C1QBP: variants seen among roughly 807,000 people sequenced by gnomAD.
C1QBP encodes the protein complement component 1 Q subcomponent-binding protein, mitochondrial.
In C1QBP, 24 loss-of-function variants were observed where a neutral mutation model predicts 29.4. The ratio of observed to expected loss-of-function variants is 0.82; its 90% confidence interval spans 0.59 to 1.15. C1QBP has a LOEUF of 1.15. Among genes scored for constraint, C1QBP ranks in the 50% most tolerant of loss-of-function variants. The pLI is 0.00. For missense variants in C1QBP, 337 were observed against 355.8 expected, an observed-to-expected ratio of 0.95 and a Z score of 0.43; for synonymous variants, 182 against 149.2, an observed-to-expected ratio of 1.22 and a Z score of -1.60.
Position 5,435,836 on chromosome 17 carries a change from T to C in C1QBP, c.384-870A>G, listed in dbSNP as rs1240145228. 2.2e-5 allele frequency among the ~76,000 whole-genome samples: 3 copies of C among 139,388 alleles called. No individual in the cohort carries two copies. The East Asian group carries it at 6.1e-4, about 28-fold the overall frequency. The allele number at this position is 139,388 out of a possible 152,430, so 91.4% of individuals were successfully genotyped here. A position where few individuals can be genotyped will look rare whatever the true frequency, so the allele number is the denominator to read the frequency against. On this transcript the variant is annotated intron_variant, in intron 2 of 5. Transcript: ENST00000225698. ...CGAGGTCAAGAGATCGAGACCATCC[T>C]GGCCAACACGATGAAACTCCATCTC...
chr17:5,432,840 G>A lies in C1QBP; in HGVS notation c.*175C>T. 1.1e-6 allele frequency: 1 copy of A among 935,190 alleles called. No individual in the cohort carries two copies. The highest frequency in any genetic ancestry group is 2.1e-5 in the South Asian group (1 of 47,792). 57.9% of individuals were successfully genotyped at this position (935,190 alleles called of 1,614,324 possible). A position where few individuals can be genotyped will look rare whatever the true frequency, so the allele number is the denominator to read the frequency against. ...ACAAAAATCTAGAAATAATAGATTT[G>A]TACAGAAAAAAATGATAATAAATGA... On this transcript the variant is annotated 3_prime_UTR_variant, in exon 6 of 6. Coordinates refer to ENST00000225698, the MANE Select transcript of C1QBP (RefSeq NM_001212.4).
At position 5,433,012 on chromosome 17, in the gene C1QBP, G is replaced by A; in HGVS notation, c.*3C>T. ...AAACTATGGCTTTCAGCATCTGTCTGCTCTACTGGCTCTTGACAAAACTCT... is the reference window on the plus strand; with the variant it reads ...AAACTATGGCTTTCAGCATCTGTCTACTCTACTGGCTCTTGACAAAACTCT... On this transcript the variant is annotated 3_prime_UTR_variant, in exon 6 of 6. Coordinates refer to ENST00000225698, the MANE Select transcript of C1QBP (RefSeq NM_001212.4). 2 of 1,610,034 alleles carry A rather than the reference G, an allele frequency of 1.2e-6. No individual in the cohort carries two copies. The highest frequency in any genetic ancestry group is 1.7e-6 in the Non-Finnish European group (2 of 1,178,692).
chr17:5,434,264 G>A (rs1222893855), intron 3 of C1QBP, among the ~76,000 whole-genome samples: 3 of 152,166 alleles, frequency 2.0e-5, no homozygotes, highest in Non-Finnish European at 4.4e-5. Context: ...GGGTGGCTGG[G>A]AAAGCAGCAC....
At position 5,436,064 on chromosome 17, in the gene C1QBP, A is replaced by C. The variant is rs1353697908; in HGVS notation, c.384-1098T>G. Among the ~76,000 whole-genome samples the C allele has an allele frequency of 1.4e-5, 2 of 142,582 alleles. 1 individual carries two copies. The highest frequency in any genetic ancestry group is 5.2e-5 in the African/African-American group (2 of 38,202). 93.5% of individuals were successfully genotyped at this position (142,582 alleles called of 152,430 possible). The stretch of plus-strand genomic sequence containing the variant: ...TGTCAGAAAAAAAAAAAAAAAAAAA[A>C]GAGTACATGAAGTGCCGCCCTCCAC... On this transcript the variant is annotated intron_variant, in intron 2 of 5. Coordinates refer to ENST00000225698, the MANE Select transcript of C1QBP (RefSeq NM_001212.4).
chr17:5,436,294 T>A lies in C1QBP; in HGVS notation c.384-1328A>T, dbSNP rs535224986. Among the ~76,000 whole-genome samples the A allele has an allele frequency of 4.4e-4, 67 of 151,356 alleles. 2 individuals are homozygous for A. The highest frequency in any genetic ancestry group is 1.5e-3 in the African/African-American group (62 of 40,732). On this transcript the variant is annotated intron_variant, in intron 2 of 5. Coordinates refer to ENST00000225698, the MANE Select transcript of C1QBP (RefSeq NM_001212.4). ...TGCGCAAATGGTGTTTAGGTGAGATTACAGAAGACACAATTGACCTGTGTA... is the reference window on the plus strand; with the variant it reads ...TGCGCAAATGGTGTTTAGGTGAGATAACAGAAGACACAATTGACCTGTGTA...
At chr17:5,435,028 G>A (rs1916233987) in intron 2 of C1QBP, 62 bp from the exon 3 acceptor site, 1 of 1,375,276 alleles carries the variant, frequency 7.3e-7, no homozygotes, top group Non-Finnish European at 1.0e-6. Flanking sequence ...AACCGAGCAG[G>A]TTAACACATA....
intron 3 of C1QBP, among the ~76,000 whole-genome samples, chr17:5,434,464 C>CTTTTTTTTTTTTTTTTTTTTTTTTTTT (rs576803401): frequency 1.0e-5 from 1 of 97,862 alleles, no homozygotes; most frequent in Non-Finnish European, 1.9e-5. Context: ...TTCTCTCTCT[C>CTTTTTTTTTTTTTTTTTTTTTTTTTTT]TTTTTTTTTT....
chr17:5,438,871 C>T lies in C1QBP; in HGVS notation c.203G>A (p.Gly68Asp). 1 of 1,545,654 alleles carries T rather than the reference C, an allele frequency of 6.5e-7. No individual in the cohort carries two copies. Among genetic ancestry groups the T allele is most frequent in the Non-Finnish European group, 8.7e-7 (1 of 1,145,578 alleles). Residue 68 changes from glycine (G) to aspartate (D), a missense_variant, in exon 1 of 6, where the codon GGC becomes GAC. Gly to Asp is a moderately conservative substitution (Grantham distance 94). Coordinates refer to ENST00000225698, the MANE Select transcript of C1QBP (RefSeq NM_001212.4). ...LLRPRGPCAC[G>D]CGCGSLHTDG... ...GGTGTGCAGCGAGCCGCAGCCACAG[C>T]CACAGGCGCAGGGTCCGCGAGGCCG...
Position 5,439,004 on chromosome 17 carries a change from G to A in C1QBP, c.70C>T (p.Pro24Ser). ...AGGAGCTGCCGGAAAGGCGAGGCGG[G>A]CGCGGCAGCGCGGAGGCCGGCGACG... ...SSVAGLRAAA[P>S]ASPFRQLLQP... is the part of the protein sequence containing the mutation. The change falls in exon 1 of 6, where the codon CCC (proline) becomes TCC (serine). Residue 24 changes from proline to serine, a missense_variant. Transcript: ENST00000225698. The A allele has an allele frequency of 6.7e-7, 1 of 1,483,712 alleles. No individual in the cohort carries two copies. Among genetic ancestry groups the A allele is most frequent in the Non-Finnish European group, 8.9e-7 (1 of 1,119,180 alleles). The allele number at this position is 1,483,712 out of a possible 1,614,324, so 91.9% of individuals were successfully genotyped here.
At chr17:5,437,515 G>A (rs1026446637) in intron 2 of C1QBP, among the ~76,000 whole-genome samples, 3 of 152,132 alleles carry the variant, frequency 2.0e-5, no homozygotes, top group Admixed American at 1.3e-4. Flanking sequence ...TTTTACTAGA[G>A]CCAGGGTTTT....
At chr17:5,438,667 C>G (rs1916338387) in intron 1 of C1QBP, 175 bp downstream of exon 1, 2 of 1,377,460 alleles carry the variant, frequency 1.5e-6, no homozygotes, top group African/African-American at 1.5e-5. Flanking sequence ...CAAAAGAAAA[C>G]GAAACTGCTG....
At chr17:5,438,593 C>G in intron 1 of C1QBP, 1 of 819,912 alleles carries the variant, frequency 1.2e-6, no homozygotes. Flanking sequence ...CCCAAAGGTC[C>G]ACTTTCGATA....
chr17:5,433,511 G>GT, intron 4 of C1QBP, 96 bp from the exon 5 acceptor site: 1 of 1,557,704 alleles, frequency 6.4e-7, no homozygotes, highest in Non-Finnish European at 8.8e-7. Flanking sequence ...AACTCATCAG[G>GT]TTTTAACCCT....
At chr17:5,437,256 G>A (rs1916298200) in intron 2 of C1QBP, among the ~76,000 whole-genome samples, 1 of 152,162 alleles carries the variant, frequency 6.6e-6, no homozygotes, top group Admixed American at 6.5e-5. Flanking sequence ...TAAATCGTAT[G>A]CCATCTCAAT....
chr17:5,433,147 T>C lies in C1QBP; in HGVS notation c.717A>G (p.Leu239=), dbSNP rs116607894. 65 of 1,613,866 alleles carry C rather than the reference T, an allele frequency of 4.0e-5. No homozygotes were observed. In the East Asian group the frequency reaches 1.4e-3, roughly 34 times the overall value. The change falls in exon 6 of 6, where the codon CTA becomes CTG. Residue 239 remains leucine (L), a synonymous_variant. Coordinates refer to ENST00000225698, the MANE Select transcript of C1QBP (RefSeq NM_001212.4). Reference sequence around the variant, plus strand: ...CCCCTCGGTCGGCAAGGAAATCCATTAGGTGGTCATATAAGGCCTGCAAAG... The same window carrying C: ...CCCCTCGGTCGGCAAGGAAATCCATCAGGTGGTCATATAAGGCCTGCAAAG... ...DSLDWALYDH[L]MDFLADRGVD... is the part of the protein sequence containing the mutation.
At position 5,434,931 on chromosome 17, in the gene C1QBP, G is replaced by A; in HGVS notation, c.419C>T (p.Pro140Leu). 6.2e-7 allele frequency: 1 copy of A among 1,614,108 alleles called. No individual in the cohort carries two copies. The highest frequency in any genetic ancestry group is 8.5e-7 in the Non-Finnish European group (1 of 1,179,978). ...TTCCTCCTCACCATCAAATGTTGGT[G>A]GGATGCTGTTGTTAATGTTGAAAGT... ...TVTFNINNSIPPTFDGEEEPS... is the reference protein window; with the variant it reads ...TVTFNINNSILPTFDGEEEPS... The change falls in exon 3 of 6, where the codon CCA becomes CTA. Residue 140 changes from proline to leucine, a missense_variant. Coordinates refer to ENST00000225698, the MANE Select transcript of C1QBP (RefSeq NM_001212.4).
chr17:5,439,027 A>T lies in C1QBP; in HGVS notation c.47T>A (p.Val16Asp). 2.5e-5 allele frequency: 38 copies of T among 1,509,944 alleles called. No homozygotes were observed. Among genetic ancestry groups the T allele is most frequent in the Non-Finnish European group, 3.3e-5 (37 of 1,131,136 alleles). 93.5% of individuals were successfully genotyped at this position (1,509,944 alleles called of 1,614,324 possible). ...RCVPRVLGSS[V>D]AGLRAAAPAS... ...GGGCGCGGCAGCGCGGAGGCCGGCG[A>T]CGGAGGAGCCCAGCACACGGGGCAC... The change falls in exon 1 of 6, where the codon GTC becomes GAC. Residue 16 changes from valine (V) to aspartate (D), a missense_variant. Val to Asp is a radical substitution (Grantham distance 152). Transcript: ENST00000225698.
At chr17:5,434,568 A>T (rs1187084890) in intron 3 of C1QBP, 1 of 189,408 alleles carries the variant, frequency 5.3e-6, no homozygotes, top group Non-Finnish European at 1.1e-5. Context: ...CCCGGGTTCA[A>T]GCGATTCTCC....
At chr17:5,435,132 G>C (rs1188856327) in intron 2 of C1QBP, among the ~76,000 whole-genome samples, 166 bp from the exon 3 acceptor site, 1 of 152,254 alleles carries the variant, frequency 6.6e-6, no homozygotes, top group Non-Finnish European at 1.5e-5. Flanking sequence ...ACTAGGCTGG[G>C]TGCCTACATC....
Sources: allele counts gnomAD v4.1 joint callset (sites outside exome capture counted in the v4.1 genomes callset), GRCh38; gene constraint gnomAD v4.1.1; transcripts MANE v1.5; gene names NCBI Gene and HGNC (gene_info 2026-07-23, HGNC 2026-07-21).